SETX: variants seen among roughly 807,000 people sequenced by gnomAD.
SETX encodes the protein senataxin, also known as helicase senataxin.
Under a neutral mutation model 227.2 loss-of-function variants are expected in SETX, and 90 were observed. That is an observed-to-expected ratio of 0.40 (90% confidence interval 0.33 to 0.47). The LOEUF is 0.47. Ranked by LOEUF, SETX falls within the 20% of genes least tolerant of loss-of-function variation. SETX has a pLI of 0.91. For missense variants in SETX, 3,052 were observed against 3,181.5 expected (o/e 0.96, Z 0.98); for synonymous variants, 1,210 against 1,113.2 (o/e 1.09, Z -1.73).
Position 132,328,226 on chromosome 9 carries a change from T to C in SETX, c.3372A>G (p.Thr1124=). The change falls in exon 10 of 26, where the codon ACA becomes ACG. Residue 1124 remains threonine (T), a synonymous_variant. Transcript: ENST00000224140. ...IANTTNGQGC[T]DYVSEVVKKG... ...TTTTAACAACTTCAGATACATAATC[T>C]GTACAACCCTGACCATTTGTAGTAT... 6.2e-6 allele frequency: 10 copies of C among 1,614,216 alleles called. No individual in the cohort carries two copies. Among genetic ancestry groups the C allele is most frequent in the South Asian group, 1.1e-5 (1 of 91,086 alleles).
intron 10 of SETX, among the ~76,000 whole-genome samples, chr9:132,322,099 T>C (rs890258360): frequency 7.9e-5 from 12 of 152,232 alleles, no homozygotes; most frequent in African/African-American, 2.9e-4. Flanking sequence ...CCTTCCAGAG[T>C]GCAACCATAA....
intron 7 of SETX, among the ~76,000 whole-genome samples, chr9:132,333,773 G>C (rs1206644411): frequency 2.6e-5 from 4 of 152,138 alleles, no homozygotes; most frequent in Non-Finnish European, 4.4e-5. Flanking sequence ...ATATCCAAGA[G>C]AATGTTCTGT....
chr9:132,330,575 A>C (rs1847159548), intron 9 of SETX, 76 bp from the exon 10 acceptor site: 1 of 1,251,822 alleles, frequency 8.0e-7, no homozygotes, highest in African/African-American at 1.5e-5. Flanking sequence ...GTCGTTAAGA[A>C]AAATACGTTT....
chr9:132,328,168 G>A lies in SETX; in HGVS notation c.3430C>T (p.Pro1144Ser). The A allele has an allele frequency of 6.2e-7, 1 of 1,614,152 alleles. No homozygotes were observed. Among genetic ancestry groups the A allele is most frequent in the Non-Finnish European group, 8.5e-7 (1 of 1,180,016 alleles). The change falls in exon 10 of 26, where the codon CCA becomes TCA. Residue 1144 changes from proline (P) to serine (S), a missense_variant. Around this residue, in one of 10 missense-constraint regions of SETX, gnomAD observed 1,483 missense variants for 1,312.0 expected, o/e 1.13. Coordinates refer to ENST00000224140, the MANE Select transcript of SETX (RefSeq NM_015046.7). ...AATTCTTCAACAGAAATACTCCGTGGTCTTGTGTGTTCTTCAATGCCCTCT... is the reference window on the plus strand; with the variant it reads ...AATTCTTCAACAGAAATACTCCGTGATCTTGTGTGTTCTTCAATGCCCTCT... ...GAEGIEEHTR[P>S]RSISVEEFCE...
At chr9:132,280,107 TG>T (rs1843414179) in intron 20 of SETX, among the ~76,000 whole-genome samples, 1 of 152,162 alleles carries the variant, frequency 6.6e-6, no homozygotes, top group Non-Finnish European at 1.5e-5. Flanking sequence ...ATATACATAC[TG>T]AAAAAGACGA....
At chr9:132,308,566 T>G (rs1442447978) in intron 11 of SETX, among the ~76,000 whole-genome samples, 2 of 152,202 alleles carry the variant, frequency 1.3e-5, no homozygotes, top group Non-Finnish European at 2.9e-5. Context: ...CTGACTGATA[T>G]GAAGGGATTA....
intron 10 of SETX, among the ~76,000 whole-genome samples, chr9:132,324,293 A>C (rs1846565981): frequency 6.6e-6 from 1 of 152,224 alleles, no homozygotes; most frequent in Non-Finnish European, 1.5e-5. Flanking sequence ...AAAAATGGCT[A>C]AAATTTGAGG....
intron 2 of SETX, among the ~76,000 whole-genome samples, chr9:132,353,053 T>C (rs138213542): frequency 7.2e-5 from 11 of 152,316 alleles, no homozygotes; most frequent in African/African-American, 2.4e-4. Context: ...ATTTCTTCTT[T>C]GATCGCCATC....
At chr9:132,293,547 G>A (rs77990140) in intron 15 of SETX, among the ~76,000 whole-genome samples, 24,562 of 151,830 alleles carry the variant, frequency 0.16, 2,411 homozygotes, top group East Asian at 0.49. Flanking sequence ...TCAGCCTCCC[G>A]AGAAGCTGAG....
chr9:132,344,230 T>C (rs1278908459), intron 4 of SETX, among the ~76,000 whole-genome samples: 1 of 152,182 alleles, frequency 6.6e-6, no homozygotes, highest in African/African-American at 2.4e-5. Context: ...TTGGGTTTTT[T>C]AGAGACAGGG....
Position 132,329,642 on chromosome 9 carries a change from C to T in SETX, c.1956G>A (p.Val652=), listed in dbSNP as rs773655810. ...CTGCTTTGATCAATACACTGTCTTG[C>T]ACTTTCATTGGTTCTTTAGAAAATG... The part of the protein sequence containing the change: ...SPTFSKEPMK[V]QDSVLIKADN... Residue 652 remains valine (V), a synonymous_variant, in exon 10 of 26, where the codon GTG becomes GTA. Transcript: ENST00000224140. The T allele has an allele frequency of 3.7e-6, 6 of 1,613,770 alleles. No homozygotes were observed. The highest frequency in any genetic ancestry group is 1.1e-5 in the South Asian group (1 of 91,006).
chr9:132,305,554 G>A (rs967790648), intron 11 of SETX, among the ~76,000 whole-genome samples: 3 of 152,126 alleles, frequency 2.0e-5, no homozygotes, highest in African/African-American at 4.8e-5. Flanking sequence ...ATTTATCAAC[G>A]TCATGTACCT....
chr9:132,267,754 C>A (rs766040032), intron 25 of SETX, among the ~76,000 whole-genome samples: 1 of 152,220 alleles, frequency 6.6e-6, no homozygotes, highest in Non-Finnish European at 1.5e-5. Context: ...ACTGTCTAAA[C>A]GGAATGTGAA....
chr9:132,283,230 G>A (rs959870456), intron 19 of SETX, 34 bp downstream of exon 19: 1 of 1,613,026 alleles, frequency 6.2e-7, no homozygotes, highest in Non-Finnish European at 8.5e-7. Context: ...CCTCATAGTA[G>A]TAGTCAAAGT....
At chr9:132,334,839 T>C in intron 6 of SETX, 112 bp from the exon 7 acceptor site, 2 of 1,171,262 alleles carry the variant, frequency 1.7e-6, no homozygotes, top group Non-Finnish European at 2.5e-6. Context: ...TAGTATTTAG[T>C]TTCTCAAACA....
intron 14 of SETX, 44 bp downstream of exon 14, chr9:132,296,843 T>C: frequency 6.3e-7 from 1 of 1,575,916 alleles, no homozygotes. Context: ...TAAAGTAAAA[T>C]GATACAGCTA....
intron 10 of SETX, among the ~76,000 whole-genome samples, chr9:132,312,675 T>C (rs533768257): frequency 6.6e-6 from 1 of 152,316 alleles, no homozygotes; most frequent in Middle Eastern, 3.4e-3. Flanking sequence ...CAATACTGAA[T>C]CTGTGTTATC....
rs139544498 is a variant in SETX, at chr9:132,291,227, C to T, written c.6107-2576G>A. 3.7e-4 allele frequency among the ~76,000 whole-genome samples: 49 copies of T among 131,144 alleles called. 1 individual carries two copies. In the East Asian group the frequency reaches 9.7e-3, roughly 26 times the overall value. The allele number at this position is 131,144 out of a possible 152,430, so 86.0% of individuals were successfully genotyped here. On this transcript the variant is annotated intron_variant, in intron 15 of 25. Transcript: ENST00000224140. The stretch of plus-strand genomic sequence containing the variant: ...TGTCTCCTAGGCTGGAGTGCAATGG[C>T]GCAATCTCGGCTCTCTGCAAGCTCC...
chr9:132,328,827 T>A lies in SETX; in HGVS notation c.2771A>T (p.Asp924Val). The A allele has an allele frequency of 6.2e-7, 1 of 1,612,960 alleles. No homozygotes were observed. Reference protein sequence around the residue: ...KDLMTVPESRDEEMSNSTSVI... With the variant: ...KDLMTVPESRVEEMSNSTSVI... ...ACTGGTACTATTACTCATCTCCTCATCTCTTGATTCAGGTACAGTCATAAG... is the reference window on the plus strand; with the variant it reads ...ACTGGTACTATTACTCATCTCCTCAACTCTTGATTCAGGTACAGTCATAAG... Residue 924 changes from aspartate to valine, a missense_variant, in exon 10 of 26, where the codon GAT becomes GTT. Physicochemically the swap from Asp to Val is radical, Grantham distance 152. Around this residue, in one of 10 missense-constraint regions of SETX, gnomAD observed 1,483 missense variants for 1,312.0 expected, o/e 1.13. Coordinates refer to ENST00000224140, the MANE Select transcript of SETX (RefSeq NM_015046.7).
Sources: gnomAD v4.1 joint callset for allele counts (sites outside exome capture counted in the v4.1 genomes callset) on GRCh38, gnomAD v4.1.1 for gene constraint, gnomAD v4.1.1 regional missense constraint, MANE v1.5 for transcripts, NCBI Gene and HGNC (gene_info 2026-07-23, HGNC 2026-07-21) for gene names.